Variants in JAK1 observed in about 807,000 individuals in gnomAD.
JAK1 encodes Janus kinase 1.
A neutral mutation model predicts 136.6 loss-of-function variants in JAK1; 16 were observed. That is an observed-to-expected ratio of 0.12 (90% CI 0.08 to 0.18). The LOEUF is 0.18. Among genes scored for constraint, JAK1 ranks in the 10% least tolerant of loss-of-function variants. The pLI is 1.00. For synonymous variants in JAK1, 492 were observed against 519.5 expected, an observed-to-expected ratio of 0.95 and a Z score of 0.72; for missense variants, 859 against 1,450.1, an observed-to-expected ratio of 0.59 and a Z score of 6.62.
intron 1 of JAK1, among the ~76,000 whole-genome samples, chr1:64,912,897 A>G (rs1645308823): frequency 6.6e-6 from 1 of 152,206 alleles, no homozygotes. Context: ...ACTGGATTCA[A>G]TGTTTCAAAT....
upstream of JAK1, among the ~76,000 whole-genome samples, chr1:64,969,102 C>T (rs998997499): frequency 1.3e-5 from 2 of 151,000 alleles, no homozygotes; most frequent in Non-Finnish European, 2.9e-5. Flanking sequence ...AGAGTGAGAC[C>T]CCTTCTCTTA....
chr1:64,990,646 G>T (rs1646646760), intron 2 of JAK1: 1 of 152,006 alleles, frequency 6.6e-6, no homozygotes, highest in African/African-American at 2.4e-5. Flanking sequence ...TATGGGCCAG[G>T]CACGGTCGCT....
intron 13 of JAK1, 143 bp downstream of exon 13, chr1:64,847,389 T>A (rs1570627141): frequency 2.2e-6 from 2 of 905,658 alleles, no homozygotes; most frequent in East Asian, 4.8e-5. Context: ...TAAGATCATA[T>A]GTGGAGAAAA....
chr1:64,865,078 G>T, intron 7 of JAK1, 106 bp from the exon 8 acceptor site: 2 of 832,206 alleles, frequency 2.4e-6, no homozygotes, highest in Non-Finnish European at 3.7e-6. Flanking sequence ...GTCCAAGGAA[G>T]AGAAAGCCAG....
chr1:64,844,155 C>G lies in JAK1; in HGVS notation c.2312G>C (p.Ser771Thr). ...PECVEDSKNL[S>T]VAADKWSFGT... ...AAAGCTCCACTTGTCAGCAGCCACA[C>G]TCAGGTTCTTGGAGTCCTCAACACA... Residue 771 changes from serine to threonine, a missense_variant, in exon 17 of 25, where the codon AGT (serine) becomes ACT (threonine). Transcript: ENST00000342505. This position sits in a 1 kb window ranked among gnomAD's most constrained non-coding sequence, Gnocchi z 5.7. 6.2e-7 allele frequency: 1 copy of G among 1,614,234 alleles called. No individual in the cohort carries two copies. Among genetic ancestry groups the G allele is most frequent in the Non-Finnish European group, 8.5e-7 (1 of 1,180,040 alleles).
intron 8 of JAK1, among the ~76,000 whole-genome samples, chr1:64,864,360 A>G (rs780353567): frequency 1.3e-5 from 2 of 152,382 alleles, no homozygotes; most frequent in South Asian, 2.1e-4. Flanking sequence ...GCCTGACACC[A>G]TATCGATGAC....
intron 24 of JAK1, among the ~76,000 whole-genome samples, chr1:64,835,168 G>T (rs1288767515): frequency 6.6e-6 from 1 of 152,190 alleles, no homozygotes; most frequent in African/African-American, 2.4e-5. Context: ...GATAAAGAGG[G>T]GCTGGCTTTT....
At chr1:65,045,481 G>GTGGTGGGAAGCATGAAAGCA (rs975306263) in intron 1 of JAK1, among the ~76,000 whole-genome samples, 4 of 152,116 alleles carry the variant, frequency 2.6e-5, no homozygotes, top group East Asian at 1.9e-4. Context: ...TGGCATTTGT[G>GTGGTGGGAAGCATGAAAGCA]TGGTGGGAAG....
At chr1:64,972,601 CAACATGACAA>C (rs5774735) in intron 2 of JAK1, 12,437 of 152,200 alleles carry the variant, frequency 0.082, 704 homozygotes, top group Admixed American at 0.15. Context: ...CCAGCCTGAG[CAACATGACAA>C]AACTCCATCT....
chr1:64,873,547 C>T (rs1657206643), intron 4 of JAK1, 24 bp from the exon 5 acceptor site: 1 of 1,613,890 alleles, frequency 6.2e-7, no homozygotes, highest in Non-Finnish European at 8.5e-7. Context: ...AAATGAATGC[C>T]AATTGTGGCA....
intron 20 of JAK1, 110 bp from the exon 21 acceptor site, chr1:64,838,699 C>T (rs1654650581): frequency 2.9e-6 from 3 of 1,043,302 alleles, no homozygotes; most frequent in East Asian, 2.4e-5. Flanking sequence ...CAGCTTCGCC[C>T]CTTCATTACA....
At chr1:64,905,685 A>G (rs1373155000) in intron 1 of JAK1, among the ~76,000 whole-genome samples, 1 of 152,208 alleles carries the variant, frequency 6.6e-6, no homozygotes, top group Non-Finnish European at 1.5e-5. Context: ...ATAGACTTTC[A>G]GAAGAAAAAT....
rs190204832 is a variant in JAK1, at chr1:64,937,454, G to A, written c.-78+28879C>T. On this transcript the variant is annotated intron_variant, in intron 1 of 24. Coordinates refer to ENST00000342505, the MANE Select transcript of JAK1 (RefSeq NM_002227.4). The stretch of plus-strand genomic sequence containing the variant: ...CCGAAAGAAGTTTCAAAGGTCCAAC[G>A]CCGAGCATCTTTTACCTTTGCTAAT... Among the ~76,000 whole-genome samples, 1,228 of 152,262 alleles carry A rather than the reference G, an allele frequency of 8.1e-3. 3 individuals are homozygous for A. Among genetic ancestry groups the A allele is most frequent in the Middle Eastern group, 0.014 (4 of 294 alleles).
At chr1:64,966,709 C>T (rs1349918345), upstream of JAK1, among the ~76,000 whole-genome samples, 2 of 151,206 alleles carry the variant, frequency 1.3e-5, no homozygotes, top group Non-Finnish European at 3.0e-5. Context: ...GCCCCGCCCC[C>T]ATCCGGCTTC....
At chr1:65,046,277 C>T (rs1647181943) in intron 1 of JAK1, among the ~76,000 whole-genome samples, 1 of 152,106 alleles carries the variant, frequency 6.6e-6, no homozygotes, top group Non-Finnish European at 1.5e-5. Context: ...TGGTATGATG[C>T]ACTCCCAATA....
chr1:64,985,713 C>A, intron 2 of JAK1: 1 of 703,330 alleles, frequency 1.4e-6, no homozygotes, highest in Non-Finnish European at 2.6e-6. Context: ...GCAGAAGAGG[C>A]CAATAACCAA....
chr1:64,923,468 C>G (rs1429938638), intron 1 of JAK1, among the ~76,000 whole-genome samples: 1 of 152,106 alleles, frequency 6.6e-6, no homozygotes, highest in Non-Finnish European at 1.5e-5. Flanking sequence ...GCTTATTAAA[C>G]ACACATTTTT....
intron 2 of JAK1, among the ~76,000 whole-genome samples, chr1:64,883,728 A>T (rs1272318380): frequency 6.6e-6 from 1 of 152,110 alleles, no homozygotes; most frequent in African/African-American, 2.4e-5. Context: ...AAATATGGTC[A>T]GACCATATTT....
intron 2 of JAK1, among the ~76,000 whole-genome samples, chr1:65,042,443 C>T (rs1412260794): frequency 1.3e-5 from 2 of 151,770 alleles, no homozygotes; most frequent in African/African-American, 4.8e-5. Context: ...CACACAAACA[C>T]ACCCCAGAAA....
Sources: gnomAD v4.1 joint callset for allele counts (sites outside exome capture counted in the v4.1 genomes callset) on GRCh38, gnomAD v4.1.1 for gene constraint, Gnocchi (gnomAD v3.1) non-coding constraint, MANE v1.5 for transcripts, NCBI Gene and HGNC (gene_info 2026-07-23, HGNC 2026-07-21) for gene names.